Variants in RASSF3 observed in about 807,000 individuals in gnomAD.
RASSF3 encodes Ras association domain family member 3, also known as ras association domain-containing protein 3.
Under a neutral mutation model 19.9 loss-of-function variants are expected in RASSF3, and 19 were observed. That is an observed-to-expected ratio of 0.96 (90% CI 0.67 to 1.40). The LOEUF (loss-of-function observed/expected upper bound fraction) is 1.40, where lower values mean the gene tolerates loss of function less well. RASSF3 is among the 40% of genes most tolerant of loss of function. The pLI is 0.00. For missense variants in RASSF3, 306 were observed against 289.8 expected, an observed-to-expected ratio of 1.06 and a Z score of -0.41; for synonymous variants, 110 against 104.2, an observed-to-expected ratio of 1.06 and a Z score of -0.34.
At chr12:64,582,317 T>C (rs900397280) in intron 2 of RASSF3, among the ~76,000 whole-genome samples, 1 of 152,192 alleles carries the variant, frequency 6.6e-6, no homozygotes, top group Non-Finnish European at 1.5e-5. Context: ...AAGTTTTCCT[T>C]GTCTACTCAG....
rs181064963 is a variant in RASSF3, at chr12:64,565,084, T to C, written c.294+23379T>C. Among the ~76,000 whole-genome samples the C allele has an allele frequency of 5.8e-3, 880 of 151,742 alleles. 7 individuals carry two copies. Among genetic ancestry groups the C allele is most frequent in the African/African-American group, 0.02 (835 of 41,436 alleles). ...GTGTGAGCCACCACACCTGGCCTAC[T>C]TTTTGGGTATATTTTTAACAACCTC... On this transcript the variant is annotated intron_variant, in intron 2 of 5. Transcript: ENST00000637125.
chr12:64,534,862 C>A (rs1374533962), intron 1 of RASSF3, among the ~76,000 whole-genome samples: 3 of 152,148 alleles, frequency 2.0e-5, no homozygotes, highest in African/African-American at 7.2e-5. Flanking sequence ...GACCATCTTA[C>A]TACCATTATC....
chr12:64,580,606 ACACACACATC>A (rs1869678272), intron 2 of RASSF3, among the ~76,000 whole-genome samples: 1 of 151,682 alleles, frequency 6.6e-6, no homozygotes, highest in Non-Finnish European at 1.5e-5. Context: ...ACACACACAC[ACACACACATC>A]CACACAGATA....
intron 2 of RASSF3, among the ~76,000 whole-genome samples, chr12:64,571,320 G>A (rs1195577255): frequency 6.6e-6 from 1 of 152,150 alleles, no homozygotes; most frequent in African/African-American, 2.4e-5. Flanking sequence ...CAGGCCCTGC[G>A]ATCCTTAGAC....
intron 1 of RASSF3, among the ~76,000 whole-genome samples, chr12:64,684,234 C>T (rs1225815799): frequency 6.6e-6 from 1 of 151,038 alleles, no homozygotes; most frequent in Non-Finnish European, 1.5e-5. Context: ...TACAGGTGTG[C>T]ACCACTGTGC....
At chr12:64,670,370 GTTTT>G (rs113065463) in intron 1 of RASSF3, among the ~76,000 whole-genome samples, 1 of 143,700 alleles carries the variant, frequency 7.0e-6, no homozygotes, top group Admixed American at 6.9e-5. Flanking sequence ...AGATTTTACT[GTTTT>G]TTTTTTTTTC....
At chr12:64,527,090 G>A (rs1348956579) in intron 1 of RASSF3, among the ~76,000 whole-genome samples, 1 of 152,208 alleles carries the variant, frequency 6.6e-6, no homozygotes, top group South Asian at 2.1e-4. Context: ...TGCAATGAAC[G>A]TGGGGATTCA....
chr12:64,612,229 T>A (rs184872364), intron 1 of RASSF3, among the ~76,000 whole-genome samples: 5 of 152,250 alleles, frequency 3.3e-5, no homozygotes, highest in Admixed American at 3.3e-4. Flanking sequence ...CTCTTCCCCT[T>A]CTCCGTTTTG....
At chr12:64,668,898 T>C (rs1483058461) in intron 1 of RASSF3, among the ~76,000 whole-genome samples, 4 of 151,634 alleles carry the variant, frequency 2.6e-5, no homozygotes, top group Admixed American at 6.6e-5. Context: ...CTCGATCTCC[T>C]GACCTCGTGA....
rs761475542 is a variant in RASSF3, at chr12:64,641,421, C to CGT, written c.111+30679_111+30680insTG. ...ACAGGCGCACACACACACACGCGCG[C>CGT]GCGCGCGTTGAAAACAAATGAGAAA... is the stretch of plus-strand genomic sequence containing the variant. On this transcript the variant is annotated intron_variant, in intron 1 of 4. Coordinates refer to ENST00000542104, the MANE Select transcript of RASSF3 (RefSeq NM_178169.4). 6.2e-3 allele frequency among the ~76,000 whole-genome samples: 935 copies of CGT among 151,682 alleles called. 16 individuals carry two copies. Among genetic ancestry groups the CGT allele is most frequent in the African/African-American group, 0.022 (884 of 41,092 alleles).
chr12:64,662,217 G>A (rs1181629911), intron 1 of RASSF3, among the ~76,000 whole-genome samples: 1 of 150,058 alleles, frequency 6.7e-6, no homozygotes, highest in Non-Finnish European at 1.5e-5. Flanking sequence ...CTAGGAATTT[G>A]AGACCAGCCT....
intron 1 of RASSF3, among the ~76,000 whole-genome samples, chr12:64,683,337 A>G (rs2136217613): frequency 6.6e-6 from 1 of 152,300 alleles, no homozygotes; most frequent in Admixed American, 6.5e-5. Context: ...AAATGCTGTC[A>G]TTTGGTCATT....
intron 1 of RASSF3, among the ~76,000 whole-genome samples, chr12:64,625,288 T>TTGGTG (rs1295271312): frequency 6.6e-6 from 1 of 152,106 alleles, no homozygotes; most frequent in Non-Finnish European, 1.5e-5. Flanking sequence ...AATGGAGCTG[T>TTGGTG]TGCCTGCTGA....
chr12:64,675,452 G>A (rs945773928), intron 1 of RASSF3, among the ~76,000 whole-genome samples: 2 of 152,050 alleles, frequency 1.3e-5, no homozygotes, highest in Non-Finnish European at 2.9e-5. Flanking sequence ...GCCCGGCCTG[G>A]TTTCTTAACT....
chr12:64,625,558 C>T (rs1321017805), intron 1 of RASSF3, among the ~76,000 whole-genome samples: 1 of 151,978 alleles, frequency 6.6e-6, no homozygotes, highest in Non-Finnish European at 1.5e-5. Flanking sequence ...CCGCTTCTTC[C>T]TGGGGCTTTC....
At chr12:64,623,738 G>T (rs552478010) in intron 1 of RASSF3, among the ~76,000 whole-genome samples, 1 of 152,062 alleles carries the variant, frequency 6.6e-6, no homozygotes, top group South Asian at 2.1e-4. Flanking sequence ...TGCTTCCCAG[G>T]TTCAAGAAAT....
intron 1 of RASSF3, among the ~76,000 whole-genome samples, chr12:64,659,907 C>T (rs1252688457): frequency 6.6e-6 from 1 of 151,818 alleles, no homozygotes; most frequent in East Asian, 1.9e-4. Flanking sequence ...GAGATGGCGC[C>T]ACTACACTCC....
intron 2 of RASSF3, among the ~76,000 whole-genome samples, chr12:64,548,031 A>G (rs1869098544): frequency 6.6e-6 from 1 of 152,178 alleles, no homozygotes. Flanking sequence ...AGATACAGAC[A>G]TAGATATGTT....
rs61549233 is a variant in RASSF3 at position 64,520,595 on chromosome 12, T to TGC, written c.169+13267_169+13268dup. Among the ~76,000 whole-genome samples, 8 of 142,602 alleles carry TGC rather than the reference T, an allele frequency of 5.6e-5. 1 individual carries two copies. Among genetic ancestry groups the TGC allele is most frequent in the African/African-American group, 1.8e-4 (7 of 38,800 alleles). The allele number at this position is 142,602 out of a possible 152,430, so 93.6% of individuals were successfully genotyped here. ...ATATATATATATATATATATATATA[T>TGC]GCACATATATGTTGTAGGTTCCCAG... On this transcript the variant is annotated intron_variant, in intron 1 of 5. Transcript: ENST00000637125.
Sources: gnomAD v4.1 joint callset for allele counts (sites outside exome capture counted in the v4.1 genomes callset) on GRCh38, gnomAD v4.1.1 for gene constraint, MANE v1.5 for transcripts, NCBI Gene and HGNC (gene_info 2026-07-23, HGNC 2026-07-21) for gene names.